RBFOX1: variants seen among roughly 807,000 people sequenced by gnomAD.
The protein encoded by RBFOX1 is RNA binding protein fox-1 homolog 1.
RBFOX1 carries 8 observed loss-of-function variants against 57.7 expected under a neutral mutation model. The ratio of observed to expected loss-of-function variants is 0.14; its 90% CI spans 0.08 to 0.25. RBFOX1 has a LOEUF of 0.25. Ranked by LOEUF, RBFOX1 falls within the 10% of genes least tolerant of loss-of-function variation. RBFOX1 has a pLI of 1.00. For missense variants in RBFOX1, 611 were observed against 548.5 expected, an observed-to-expected ratio of 1.11 and a Z score of -1.14; for synonymous variants, 326 against 222.4, an observed-to-expected ratio of 1.47 and a Z score of -4.15.
chr16:6,184,990 C>T (rs148949916), intron 1 of RBFOX1, among the ~76,000 whole-genome samples: 2 of 152,278 alleles, frequency 1.3e-5, no homozygotes, highest in African/African-American at 4.8e-5. Context: ...CAGGTTTACA[C>T]TTGTGTGAAT....
chr16:5,591,790 G>T (rs1001885596), intron 2 of RBFOX1, among the ~76,000 whole-genome samples: 3 of 152,114 alleles, frequency 2.0e-5, no homozygotes, highest in African/African-American at 7.2e-5. Context: ...AATTTATGTT[G>T]TTCCCAGTAT....
chr16:5,543,196 A>G lies in RBFOX1; in HGVS notation c.259-55706A>G, dbSNP rs57178702. ...TAGAATGCCATAATATCAAGCCCAAAGAAGTTGCAAAGAAGCATGAAAATA... is the reference window on the plus strand; with the variant it reads ...TAGAATGCCATAATATCAAGCCCAAGGAAGTTGCAAAGAAGCATGAAAATA... On this transcript the variant is annotated intron_variant, in intron 2 of 2. Transcript: ENST00000585867. 7.3e-3 allele frequency among the ~76,000 whole-genome samples: 1,116 copies of G among 152,342 alleles called. 18 individuals are homozygous for G. The highest frequency in any genetic ancestry group is 0.025 in the African/African-American group (1,033 of 41,576).
chr16:7,168,357 A>G (rs1156737887), intron 4 of RBFOX1, among the ~76,000 whole-genome samples: 2 of 152,156 alleles, frequency 1.3e-5, no homozygotes, highest in East Asian at 3.9e-4. Context: ...GATATGTGCT[A>G]GGGTGCAGAG....
chr16:5,607,783 C>T (rs2047638284), intron 3 of RBFOX1, among the ~76,000 whole-genome samples: 1 of 152,178 alleles, frequency 6.6e-6, no homozygotes, highest in Non-Finnish European at 1.5e-5. Context: ...ATAAATGGAC[C>T]CCTGCAGTCC....
In RBFOX1 at chr16:5,284,509, A is replaced by T. The variant is rs76750308; in HGVS notation, c.219+44404A>T. Among the ~76,000 whole-genome samples the T allele has an allele frequency of 0.014, 2,144 of 149,928 alleles. 108 individuals are homozygous for T. In the East Asian group the frequency reaches 0.19, roughly 13 times the overall value. On this transcript the variant is annotated intron_variant, in intron 1 of 2. Transcript: ENST00000585867. The stretch of plus-strand genomic sequence containing the variant: ...CACAACAAACAAGACACAAACAAAC[A>T]GTCTTTTGCTTATCTGGGAAATATT...
At chr16:7,371,703 TCA>T (rs2097569521) in intron 4 of RBFOX1, among the ~76,000 whole-genome samples, 1 of 152,038 alleles carries the variant, frequency 6.6e-6, no homozygotes, top group Admixed American at 6.6e-5. Context: ...TGAGCTGAGA[TCA>T]CGCCACTGCA....
intron 2 of RBFOX1, among the ~76,000 whole-genome samples, chr16:5,569,317 T>C (rs1434440548): frequency 3.3e-5 from 5 of 152,246 alleles, no homozygotes; most frequent in Non-Finnish European, 7.4e-5. Context: ...AGCTTGGTTC[T>C]GATTTTCTCT....
At chr16:6,908,015 G>C (rs1372351573) in intron 3 of RBFOX1, among the ~76,000 whole-genome samples, 1 of 151,630 alleles carries the variant, frequency 6.6e-6, no homozygotes, top group Non-Finnish European at 1.5e-5. Context: ...GTGAGGACAT[G>C]GTCATATTGG....
intron 4 of RBFOX1, among the ~76,000 whole-genome samples, chr16:7,223,560 C>G (rs1384225075): frequency 2.0e-5 from 3 of 152,096 alleles, no homozygotes; most frequent in African/African-American, 4.8e-5. Context: ...ATTTGCACAG[C>G]CAGTAATTGT....
intron 3 of RBFOX1, among the ~76,000 whole-genome samples, chr16:6,959,226 T>A (rs1253140023): frequency 6.6e-6 from 1 of 152,208 alleles, no homozygotes; most frequent in African/African-American, 2.4e-5. Context: ...AAAGTACCTC[T>A]CTTTGCTAAG....
intron 13 of RBFOX1, chr16:7,671,565 A>G (rs770023829): frequency 1.2e-6 from 2 of 1,610,642 alleles, no homozygotes; most frequent in Admixed American, 1.7e-5. Context: ...AGAGTAGTGT[A>G]TCAAGAGCCT....
intron 3 of RBFOX1, among the ~76,000 whole-genome samples, chr16:6,662,158 G>C (rs1250178558): frequency 6.6e-6 from 1 of 151,836 alleles, no homozygotes; most frequent in African/African-American, 2.4e-5. Context: ...GGAGGATCTT[G>C]GTCAAAGGAT....
Position 7,469,313 on chromosome 16 carries a change from C to T in RBFOX1, c.28-48834C>T, listed in dbSNP as rs192904930. On this transcript the variant is annotated intron_variant, in intron 4 of 15. Coordinates refer to ENST00000550418, the MANE Select transcript of RBFOX1 (RefSeq NM_018723.4). ...CCCTGACCTCATGATCTGCCCGCCT[C>T]GGCCTCCCAAAGTGCTGGGATTATA... Among the ~76,000 whole-genome samples, 829 of 152,076 alleles carry T rather than the reference C, an allele frequency of 5.5e-3. 11 individuals carry two copies. Among genetic ancestry groups the T allele is most frequent in the Non-Finnish European group, 9.7e-3 (661 of 67,982 alleles).
chr16:5,689,333 T>C (rs1174159815), intron 3 of RBFOX1, among the ~76,000 whole-genome samples: 1 of 152,188 alleles, frequency 6.6e-6, no homozygotes, highest in East Asian at 1.9e-4. Context: ...TACACAGAGT[T>C]AGATAACATA....
intron 3 of RBFOX1, among the ~76,000 whole-genome samples, chr16:6,979,675 C>T (rs879367859): frequency 6.6e-6 from 1 of 152,136 alleles, no homozygotes. Flanking sequence ...CAATAGAATT[C>T]AAATAAATAA....
chr16:5,378,034 G>C lies in RBFOX1; in HGVS notation c.220-89182G>C, dbSNP rs189843691. Among the ~76,000 whole-genome samples, 522 of 151,374 alleles carry C rather than the reference G, an allele frequency of 3.4e-3. 2 individuals are homozygous for C. Among genetic ancestry groups the C allele is most frequent in the Middle Eastern group, 0.02 (6 of 294 alleles). On this transcript the variant is annotated intron_variant, in intron 1 of 2. Coordinates refer to the RBFOX1 transcript ENST00000585867. ...TCCATTTTATTTTTTTCTTTCTGTA[G>C]TCATTCATGGAGAGAGCAAGACAAC...
intron 4 of RBFOX1, among the ~76,000 whole-genome samples, chr16:7,326,201 G>T (rs1278054944): frequency 1.3e-5 from 2 of 152,204 alleles, no homozygotes; most frequent in Non-Finnish European, 2.9e-5. Context: ...CAGGGATTGA[G>T]GAGGTGGTGG....
intron 1 of RBFOX1, among the ~76,000 whole-genome samples, chr16:6,254,001 C>T (rs1436448125): frequency 6.6e-6 from 1 of 152,084 alleles, no homozygotes; most frequent in African/African-American, 2.4e-5. Context: ...ACAAAGGTTC[C>T]ATGACAAACA....
At chr16:6,323,296 G>A (rs968918055) in intron 2 of RBFOX1, among the ~76,000 whole-genome samples, 24 of 152,150 alleles carry the variant, frequency 1.6e-4, no homozygotes, top group Non-Finnish European at 2.6e-4. Context: ...TGTCAGCCTC[G>A]TTCTTCTTCA....
Sources: gnomAD v4.1 joint callset for allele counts (sites outside exome capture counted in the v4.1 genomes callset) on GRCh38, gnomAD v4.1.1 for gene constraint, MANE v1.5 for transcripts, NCBI Gene and HGNC (gene_info 2026-07-23, HGNC 2026-07-21) for gene names.